PTPRN2: variants seen among roughly 807,000 people sequenced by gnomAD.
PTPRN2 encodes protein tyrosine phosphatase receptor type N2, also known as receptor-type tyrosine-protein phosphatase N2.
A neutral mutation model predicts 118.8 loss-of-function variants in PTPRN2; 74 were observed. That is an observed-to-expected ratio of 0.62 (90% CI 0.52 to 0.76). The LOEUF is 0.76. PTPRN2 is among the 30% of genes least tolerant of loss of function. The pLI is 0.00. For missense variants in PTPRN2, 1,481 were observed against 1,394.4 expected (o/e 1.06, Z -0.99); for synonymous variants, 641 against 608.0 (o/e 1.05, Z -0.80).
chr7:157,635,466 A>G (rs961261575), intron 14 of PTPRN2, among the ~76,000 whole-genome samples: 1 of 152,284 alleles, frequency 6.6e-6, no homozygotes, highest in African/African-American at 2.4e-5. Flanking sequence ...TTTCGGACAA[A>G]TGGTTACCAG....
intron 2 of PTPRN2, among the ~76,000 whole-genome samples, chr7:158,356,227 G>A (rs776343978): frequency 2.0e-5 from 3 of 152,054 alleles, no homozygotes; most frequent in Non-Finnish European, 2.9e-5. Context: ...AAATTTCCTC[G>A]GGAATCTAAA....
chr7:157,744,518 T>A (rs1389026675), intron 12 of PTPRN2, among the ~76,000 whole-genome samples: 2 of 152,192 alleles, frequency 1.3e-5, no homozygotes, highest in East Asian at 1.9e-4. Flanking sequence ...ATTTTAATAT[T>A]AAAAAATTTA....
chr7:157,687,121 C>T (rs1441851912), intron 12 of PTPRN2, among the ~76,000 whole-genome samples: 1 of 151,996 alleles, frequency 6.6e-6, no homozygotes, highest in African/African-American at 2.4e-5. Context: ...CTGTCCTGAC[C>T]AATTTAAATT....
At chr7:157,905,694 G>A (rs985112023) in intron 11 of PTPRN2, among the ~76,000 whole-genome samples, 4 of 152,246 alleles carry the variant, frequency 2.6e-5, no homozygotes, top group Admixed American at 1.3e-4. Flanking sequence ...CTTTATCCTC[G>A]TTATTTTAAC....
At chr7:157,730,584 G>T (rs1437855178) in intron 12 of PTPRN2, among the ~76,000 whole-genome samples, 1 of 152,198 alleles carries the variant, frequency 6.6e-6, no homozygotes, top group Non-Finnish European at 1.5e-5. Context: ...CATTACTGAG[G>T]TTGTCAAAAT....
chr7:158,374,558 G>C, intron 2 of PTPRN2, among the ~76,000 whole-genome samples: 1 of 151,958 alleles, frequency 6.6e-6, no homozygotes. Context: ...AAAAACTGAA[G>C]AAAGAAAAAA....
chr7:158,236,523 G>C (rs1435272889), intron 3 of PTPRN2, among the ~76,000 whole-genome samples: 1 of 152,128 alleles, frequency 6.6e-6, no homozygotes, highest in East Asian at 1.9e-4. Context: ...TGTGGGGTGG[G>C]GGCACACAGT....
intron 19 of PTPRN2, among the ~76,000 whole-genome samples, chr7:157,573,948 G>A (rs1452417146): frequency 1.3e-5 from 2 of 151,264 alleles, no homozygotes; most frequent in African/African-American, 4.9e-5. Flanking sequence ...TGGCATGGCT[G>A]AGGACTTTAT....
chr7:157,614,893 G>T (rs1303264763), intron 15 of PTPRN2, among the ~76,000 whole-genome samples: 1 of 152,244 alleles, frequency 6.6e-6, no homozygotes, highest in Non-Finnish European at 1.5e-5. Flanking sequence ...ATGCAATTCT[G>T]TGGTTTCACC....
rs549324533 is a variant in PTPRN2, at chr7:157,751,176, G to A, written c.1789-68239C>T. ...GGACCAAGGGATTGATTTCTTTCTC[G>A]GTTATAAATTGCAACTGGAGACATG... is the stretch of plus-strand genomic sequence containing the variant. On this transcript the variant is annotated intron_variant, in intron 12 of 22. Transcript: ENST00000389418. 1.6e-3 allele frequency among the ~76,000 whole-genome samples: 249 copies of A among 152,276 alleles called. 2 individuals are homozygous for A. The highest frequency in any genetic ancestry group is 3.7e-3 in the Admixed American group (56 of 15,290).
At chr7:158,481,423 A>G (rs1820631185) in intron 2 of PTPRN2, among the ~76,000 whole-genome samples, 1 of 152,256 alleles carries the variant, frequency 6.6e-6, no homozygotes, top group Non-Finnish European at 1.5e-5. Flanking sequence ...CACCTCGTCC[A>G]TTCTGCAGCC....
At position 157,764,236 on chromosome 7, in the gene PTPRN2, C is replaced by T. The variant is rs1404415769; in HGVS notation, c.1789-81299G>A. 6.6e-6 allele frequency among the ~76,000 whole-genome samples: 1 copy of T among 152,168 alleles called. No homozygotes were observed. The highest frequency in any genetic ancestry group is 1.5e-5 in the Non-Finnish European group (1 of 68,026). On this transcript the variant is annotated intron_variant, in intron 12 of 22. Transcript: ENST00000389418. The surrounding 1 kb of genome is among the most constrained non-coding windows in gnomAD (Gnocchi z 4.5). ...CAGCAGTTCCACCAGGGGCATATGC[C>T]CAAAAGCACCGAATGCAGTGACTCA...
chr7:157,949,775 C>G (rs1229630415), intron 11 of PTPRN2, among the ~76,000 whole-genome samples: 1 of 152,208 alleles, frequency 6.6e-6, no homozygotes, highest in Admixed American at 6.5e-5. Flanking sequence ...TATTTGAAAT[C>G]AATAAATGAA....
At chr7:158,080,331 A>C (rs1392862979) in intron 11 of PTPRN2, among the ~76,000 whole-genome samples, 5 of 151,108 alleles carry the variant, frequency 3.3e-5, no homozygotes, top group Admixed American at 2.0e-4. Context: ...AAAAAAAAAA[A>C]AAAAAAAAAA....
At chr7:158,047,694 G>A (rs1243704769) in intron 11 of PTPRN2, among the ~76,000 whole-genome samples, 1 of 152,240 alleles carries the variant, frequency 6.6e-6, no homozygotes, top group African/African-American at 2.4e-5. Flanking sequence ...CCGATGGCAT[G>A]TTAGAGGCCA....
At chr7:157,573,089 C>G (rs373431419) in intron 19 of PTPRN2, among the ~76,000 whole-genome samples, 1 of 152,232 alleles carries the variant, frequency 6.6e-6, no homozygotes, top group African/African-American at 2.4e-5. Context: ...CCATTCCTGA[C>G]TCAGGCTGTA....
chr7:158,391,267 C>T (rs1226746174), intron 2 of PTPRN2, among the ~76,000 whole-genome samples: 2 of 152,226 alleles, frequency 1.3e-5, no homozygotes, highest in Non-Finnish European at 1.5e-5. Flanking sequence ...GAGAAAGGGG[C>T]TGTGAGCCCA....
At chr7:158,263,249 TAC>T (rs1193963232) in intron 3 of PTPRN2, among the ~76,000 whole-genome samples, 4 of 152,194 alleles carry the variant, frequency 2.6e-5, no homozygotes, top group Non-Finnish European at 5.9e-5. Flanking sequence ...TGCATGCATT[TAC>T]ACACTTGTGC....
At chr7:158,224,526 T>C (rs898955313) in intron 3 of PTPRN2, among the ~76,000 whole-genome samples, 82 of 152,192 alleles carry the variant, frequency 5.4e-4, no homozygotes, top group African/African-American at 1.9e-3. Context: ...CCTGGAGTGA[T>C]TGGACATCCA....
Sources: allele counts gnomAD v4.1 joint callset (sites outside exome capture counted in the v4.1 genomes callset), GRCh38; gene constraint gnomAD v4.1.1; non-coding constraint Gnocchi (gnomAD v3.1); transcripts MANE v1.5; gene names NCBI Gene and HGNC (gene_info 2026-07-23, HGNC 2026-07-21).